GJB1: variants seen among roughly 807,000 people sequenced by gnomAD.
The protein encoded by GJB1 is gap junction beta-1 protein.
GJB1 carries 1 observed loss-of-function variant against 12.0 expected under a neutral mutation model. The observed-to-expected ratio is 0.08, with a 90% CI of 0.03 to 0.40. The LOEUF (loss-of-function observed/expected upper bound fraction) is 0.40. GJB1 is among the 10% of genes least tolerant of loss of function. The probability of loss-of-function intolerance (pLI) is 0.98; values close to 1 mark genes in which losing one functional copy is unlikely to be tolerated. For synonymous variants in GJB1, 114 were observed against 102.8 expected, an observed-to-expected ratio of 1.11 and a Z score of -0.66; for missense variants, 140 against 250.3, an observed-to-expected ratio of 0.56 and a Z score of 2.97.
chrX:71,224,374 C>T lies in GJB1; in HGVS notation c.667C>T (p.Arg223Cys). Residue 223 changes from arginine (R) to cysteine (C), a missense_variant, in exon 2 of 2, where the codon CGC (arginine) becomes TGC (cysteine). By Grantham distance (180) the Arg-to-Cys change is radical (BLOSUM62 -3). Coordinates refer to ENST00000361726, the MANE Select transcript of GJB1 (RefSeq NM_000166.6). ...IIRACARRAQ[R>C]RSNPPSRKGS... ...CCGGGCCTGTGCCCGCCGAGCCCAG[C>T]GCCGCTCCAATCCACCTTCCCGCAA... 8.3e-6 allele frequency: 10 copies of T among 1,210,320 alleles called. No individual in the cohort carries two copies. The highest frequency in any genetic ancestry group is 1.8e-5 in the South Asian group (1 of 56,832).
At chrX:71,221,222 G>T (rs777336812), upstream of GJB1, among the ~76,000 whole-genome samples, 151 of 112,266 alleles carry the variant, frequency 1.3e-3, no homozygotes, top group Non-Finnish European at 2.4e-3. Flanking sequence ...GTGGTGCCTA[G>T]TGCAGCAGCT....
At chrX:71,219,338 T>C (rs975187175), upstream of GJB1, among the ~76,000 whole-genome samples, 1 of 108,960 alleles carries the variant, frequency 9.2e-6, no homozygotes, top group Non-Finnish European at 1.9e-5. Context: ...AATTTTTGTG[T>C]TTCTTTTTTT....
chrX:71,223,637 C>T (rs1030102266), intron 1 of GJB1, 55 bp from the exon 2 acceptor site: 25 of 1,155,013 alleles, frequency 2.2e-5, no homozygotes, highest in South Asian at 3.6e-5. Flanking sequence ...TGCTATGGCG[C>T]CCGACTTTCC....
At chrX:71,219,498 G>A (rs1164915233), upstream of GJB1, among the ~76,000 whole-genome samples, 9 of 107,981 alleles carry the variant, frequency 8.3e-5, no homozygotes, top group African/African-American at 2.4e-4. Flanking sequence ...GGGGCCAGGC[G>A]CGGTGGCTCA....
chrX:71,218,012 C>T (rs2092528702), intron 1 of GJB1: 1 of 112,067 alleles, frequency 8.9e-6, no homozygotes, highest in Admixed American at 9.5e-5. Context: ...AAGAGCTGGG[C>T]CAGGCACAGT....
At chrX:71,220,890 C>CTTTTTTTTTTTTTTTTTT (rs869189116), upstream of GJB1, among the ~76,000 whole-genome samples, 3 of 34,502 alleles carry the variant, frequency 8.7e-5, no homozygotes, top group African/African-American at 1.6e-4. Flanking sequence ...TGTTTCTTTC[C>CTTTTTTTTTTTTTTTTTT]TTTTTTTTTT....
chrX:71,220,958 G>C (rs777750333), upstream of GJB1, among the ~76,000 whole-genome samples: 4 of 84,543 alleles, frequency 4.7e-5, no homozygotes, highest in East Asian at 1.7e-3. Context: ...GTGCAGTGGC[G>C]CAATCTCGGC....
chrX:71,216,384 C>T (rs1158858719), intron 1 of GJB1, among the ~76,000 whole-genome samples: 3 of 110,610 alleles, frequency 2.7e-5, no homozygotes, highest in African/African-American at 9.9e-5. Flanking sequence ...ACGATTCCTA[C>T]TCTGAGCTCC....
chrX:71,221,252 C>A, upstream of GJB1, among the ~76,000 whole-genome samples: 1 of 112,221 alleles, frequency 8.9e-6, no homozygotes, highest in East Asian at 2.8e-4. Context: ...GAATCCCAGG[C>A]TTGGGAGAAA....
chrX:71,223,326 G>A lies in GJB1; in HGVS notation c.-26G>A, dbSNP rs952135111. 14 of 286,054 alleles carry A rather than the reference G, an allele frequency of 4.9e-5. No homozygotes were observed. The highest frequency in any genetic ancestry group is 2.7e-4 in the African/African-American group (10 of 36,595). 23.6% of individuals were successfully genotyped at this position (286,054 alleles called of 1,213,427 possible). A position where few individuals can be genotyped will look rare whatever the true frequency, so the allele number is the denominator to read the frequency against. On this transcript the variant is annotated 5_prime_UTR_variant, in exon 1 of 2. Transcript: ENST00000361726. ...TGTCTGGGTGGCCTCAGGGATAGGC[G>A]CTCCCCAAGGTAAGAGGGCTTTGTT...
At chrX:71,215,387 C>T (rs180731348) in intron 1 of GJB1, 48 of 112,304 alleles carry the variant, frequency 4.3e-4, no homozygotes, top group Admixed American at 3.9e-3. Context: ...TACTGACCTC[C>T]GCCTTCAGCC....
upstream of GJB1, among the ~76,000 whole-genome samples, chrX:71,219,698 T>C (rs1171163359): frequency 2.5e-5 from 2 of 78,577 alleles, no homozygotes; most frequent in African/African-American, 5.1e-5. Context: ...GGCGTGAACC[T>C]GGGAGGCGGA....
chrX:71,221,689 G>C (rs1236160145), upstream of GJB1, among the ~76,000 whole-genome samples: 1 of 111,398 alleles, frequency 9.0e-6, no homozygotes, highest in African/African-American at 3.3e-5. Context: ...AGTGGCAAGA[G>C]GTGGGAGAAG....
At chrX:71,222,735 A>G (rs957381168), upstream of GJB1, 3 of 110,398 alleles carry the variant, frequency 2.7e-5, no homozygotes, top group African/African-American at 9.9e-5. Context: ...AAATGGGATA[A>G]CAGGCTTCCT....
upstream of GJB1, chrX:71,222,844 G>A (rs908980842): frequency 3.6e-5 from 4 of 111,534 alleles, no homozygotes; most frequent in African/African-American, 9.8e-5. Context: ...TCCATATTCC[G>A]GAGAGGATCT....
intron 1 of GJB1, among the ~76,000 whole-genome samples, chrX:71,217,239 C>T (rs1340666668): frequency 9.0e-6 from 1 of 111,725 alleles, no homozygotes; most frequent in African/African-American, 3.3e-5. Context: ...CCATAAGCAG[C>T]GCCATATACA....
rs863224971 is a variant in GJB1 at position 71,223,249 on chromosome X, C to T, written c.-103C>T. ...GGGCGGTGATGAATTGGGACGCAGG[C>T]GCGGAGCCCAGGGACCACTCCCCCT... is the stretch of plus-strand genomic sequence containing the variant. On this transcript the variant is annotated 5_prime_UTR_variant, in exon 1 of 2. Coordinates refer to ENST00000361726, the MANE Select transcript of GJB1 (RefSeq NM_000166.6). 4.9e-6 allele frequency: 1 copy of T among 203,114 alleles called. No individual in the cohort carries two copies. The highest frequency in any genetic ancestry group is 1.2e-4 in the East Asian group (1 of 8,604). The allele number at this position is 203,114 out of a possible 1,213,427, so 16.7% of individuals were successfully genotyped here.
chrX:71,218,976 A>G (rs1425859043), upstream of GJB1, among the ~76,000 whole-genome samples: 1 of 110,174 alleles, frequency 9.1e-6, no homozygotes, highest in Non-Finnish European at 1.9e-5. Flanking sequence ...CTCTTAGATA[A>G]GTCCTTTCAC....
At position 71,224,497 on chromosome X, in the gene GJB1, C is replaced by A; in HGVS notation, c.790C>A (p.Arg264Ser). ...GGATGGCTCCCTGAAAGACATACTG[C>A]GCCGCAGCCCTGGCACCGGGGCTGG... ...EQDGSLKDILRRSPGTGAGLA... is the reference protein window; with the variant it reads ...EQDGSLKDILSRSPGTGAGLA... Residue 264 changes from arginine to serine, a missense_variant, in exon 2 of 2, where the codon CGC becomes AGC. Physicochemically the swap from Arg to Ser is moderately radical, Grantham distance 110 (BLOSUM62 -1). Coordinates refer to ENST00000361726, the MANE Select transcript of GJB1 (RefSeq NM_000166.6). 8.3e-7 allele frequency: 1 copy of A among 1,199,840 alleles called. No homozygotes were observed. Among genetic ancestry groups the A allele is most frequent in the South Asian group, 1.8e-5 (1 of 55,388 alleles).
Sources: gnomAD v4.1 joint callset for allele counts (sites outside exome capture counted in the v4.1 genomes callset) on GRCh38, gnomAD v4.1.1 for gene constraint, MANE v1.5 for transcripts, NCBI Gene and HGNC (gene_info 2026-07-23, HGNC 2026-07-21) for gene names.